SERPINI2: variants seen among roughly 807,000 people sequenced by gnomAD.
SERPINI2 encodes serpin I2.
SERPINI2 carries 48 observed loss-of-function variants against 47.3 expected under a neutral mutation model. That is an observed-to-expected ratio of 1.02 (90% CI 0.81 to 1.29). SERPINI2 has a LOEUF of 1.29. Among genes scored for constraint, SERPINI2 ranks in the 50% most tolerant of loss-of-function variants. The probability of loss-of-function intolerance (pLI) is 0.00; values close to 1 mark genes in which losing one functional copy is unlikely to be tolerated. For synonymous variants in SERPINI2, 135 were observed against 149.3 expected (o/e 0.90, Z 0.70); for missense variants, 448 against 456.9 (o/e 0.98, Z 0.18).
intron 7 of SERPINI2, among the ~76,000 whole-genome samples, chr3:167,447,925 C>A (rs1183922651): frequency 6.6e-6 from 1 of 152,196 alleles, no homozygotes; most frequent in African/African-American, 2.4e-5. Context: ...TGTCAAAATC[C>A]ATTGGCCCAA....
At chr3:167,459,540 A>G (rs1336119477) in intron 5 of SERPINI2, among the ~76,000 whole-genome samples, 1 of 152,120 alleles carries the variant, frequency 6.6e-6, no homozygotes, top group Non-Finnish European at 1.5e-5. Flanking sequence ...TTTTGAGATG[A>G]TATCTTATTG....
At chr3:167,443,236 T>G (rs1191817266) in intron 8 of SERPINI2, among the ~76,000 whole-genome samples, 2 of 152,072 alleles carry the variant, frequency 1.3e-5, no homozygotes, top group African/African-American at 4.8e-5. Flanking sequence ...GCCTCCCGAG[T>G]AGCTGGGACT....
At position 167,456,150 on chromosome 3, in the gene SERPINI2, C is replaced by CTGTGTGTGTGTGTG. The variant is rs68048909; in HGVS notation, c.867-3131_867-3118dup. Among the ~76,000 whole-genome samples the CTGTGTGTGTGTGTG allele has an allele frequency of 8.2e-4, 119 of 144,516 alleles. 1 individual carries two copies. Among genetic ancestry groups the CTGTGTGTGTGTGTG allele is most frequent in the East Asian group, 2.3e-3 (11 of 4,850 alleles). 94.8% of individuals were successfully genotyped at this position (144,516 alleles called of 152,430 possible). On this transcript the variant is annotated intron_variant, in intron 5 of 8. Coordinates refer to ENST00000264677, the Ensembl canonical transcript of SERPINI2. ...CTGGTCACTTTCCAATCAATTACCTCTGTGTGTGTGTGTGTGTGTGTGTGT... is the reference window on the plus strand; with the variant it reads ...CTGGTCACTTTCCAATCAATTACCTCTGTGTGTGTGTGTGTGTGTGTGTGTGTGTGTGTGTGTGT...
intron 2 of SERPINI2, 115 bp downstream of exon 2, chr3:167,471,473 G>T (rs1337092102): frequency 2.0e-6 from 2 of 981,206 alleles, no homozygotes; most frequent in Non-Finnish European, 2.9e-6. Context: ...TTACAATTTT[G>T]TACTTTTCAT....
upstream of SERPINI2, among the ~76,000 whole-genome samples, chr3:167,475,862 T>C (rs1750469259): frequency 6.6e-6 from 1 of 151,792 alleles, no homozygotes; most frequent in South Asian, 2.1e-4. Context: ...TATCATCTCA[T>C]CAATTTTCTT....
upstream of SERPINI2, among the ~76,000 whole-genome samples, chr3:167,475,404 C>T (rs1485267600): frequency 6.6e-6 from 1 of 151,758 alleles, no homozygotes; most frequent in Non-Finnish European, 1.5e-5. Context: ...TGTCTGTACA[C>T]TGCTCAGATC....
At chr3:167,448,985 A>G (rs182174383) in intron 7 of SERPINI2, among the ~76,000 whole-genome samples, 15 of 152,336 alleles carry the variant, frequency 9.8e-5, no homozygotes, top group Admixed American at 9.1e-4. Context: ...AAGGGTGAGC[A>G]TTCCTAAAAA....
chr3:167,445,866 C>T (rs189934810), intron 8 of SERPINI2, among the ~76,000 whole-genome samples: 1 of 152,324 alleles, frequency 6.6e-6, no homozygotes, highest in Non-Finnish European at 1.5e-5. Context: ...CTAACTGCAT[C>T]ATCTTTCACC....
At chr3:167,468,709 C>A (rs538898980) in intron 2 of SERPINI2, among the ~76,000 whole-genome samples, 14 of 152,044 alleles carry the variant, frequency 9.2e-5, no homozygotes, top group Non-Finnish European at 1.9e-4. Flanking sequence ...GAAAGTTAAG[C>A]CATTTTACTT....
chr3:167,453,111 T>C, intron 5 of SERPINI2, 78 bp from the exon 6 acceptor site: 2 of 699,502 alleles, frequency 2.9e-6, no homozygotes, highest in Non-Finnish European at 4.9e-6. Context: ...ATGGATGACT[T>C]AGAGGATAAT....
intron 5 of SERPINI2, among the ~76,000 whole-genome samples, chr3:167,457,589 A>C (rs1749835397): frequency 6.6e-6 from 1 of 152,188 alleles, no homozygotes; most frequent in South Asian, 2.1e-4. Context: ...TTCCCTCTTT[A>C]ACAAATCCAG....
At chr3:167,452,531 T>C (rs1749670755) in intron 6 of SERPINI2, among the ~76,000 whole-genome samples, 1 of 152,214 alleles carries the variant, frequency 6.6e-6, no homozygotes, top group African/African-American at 2.4e-5. Flanking sequence ...GATGACTATT[T>C]CATGTGTTCT....
At chr3:167,467,826 A>T (rs1287457404) in intron 2 of SERPINI2, among the ~76,000 whole-genome samples, 1 of 152,200 alleles carries the variant, frequency 6.6e-6, no homozygotes, top group Admixed American at 6.5e-5. Flanking sequence ...GATGCGTAAG[A>T]ATCAGAATTG....
At chr3:167,457,969 A>T (rs577299419) in intron 5 of SERPINI2, among the ~76,000 whole-genome samples, 5 of 152,338 alleles carry the variant, frequency 3.3e-5, no homozygotes, top group African/African-American at 9.6e-5. Flanking sequence ...CAGACAAGTT[A>T]TCCAGGGTGA....
Position 167,465,604 on chromosome 3 carries a change from A to G in SERPINI2, c.548T>C (p.Ile183Thr), listed in dbSNP as rs774779828. 1.2e-6 allele frequency: 2 copies of G among 1,613,750 alleles called. No individual in the cohort carries two copies. The highest frequency in any genetic ancestry group is 1.7e-6 in the Non-Finnish European group (2 of 1,179,916). ...CTGTTTCCAATCTCCTTTGAAATAAATAGCATTCACCAGGACAAGCCGAGT... is the reference window on the plus strand; with the variant it reads ...CTGTTTCCAATCTCCTTTGAAATAAGTAGCATTCACCAGGACAAGCCGAGT... The change falls in exon 4 of 9, where the codon ATT (isoleucine) becomes ACT (threonine). Residue 183 changes from isoleucine to threonine, a missense_variant. Coordinates refer to ENST00000264677, the Ensembl canonical transcript of SERPINI2.
intron 3 of SERPINI2, among the ~76,000 whole-genome samples, chr3:167,465,999 A>C (rs1750124577): frequency 6.6e-6 from 1 of 152,188 alleles, no homozygotes; most frequent in African/African-American, 2.4e-5. Context: ...TTCCATATTT[A>C]CTGGTATTAT....
intron 5 of SERPINI2, among the ~76,000 whole-genome samples, chr3:167,464,858 C>A (rs1293885189): frequency 1.3e-5 from 2 of 151,760 alleles, no homozygotes; most frequent in Admixed American, 6.6e-5. Context: ...TTATTTTTTT[C>A]TTAATAAGAG....
At chr3:167,467,350 T>G in intron 2 of SERPINI2, 65 bp from the exon 3 acceptor site, 1 of 1,182,874 alleles carries the variant, frequency 8.5e-7, no homozygotes, top group Non-Finnish European at 1.2e-6. Context: ...TTTTCAGCTT[T>G]GCTATCTAAG....
At chr3:167,446,430 T>A in exon 8 of SERPINI2, 1 of 1,610,612 alleles carries the variant, frequency 6.2e-7, no homozygotes, top group Non-Finnish European at 8.5e-7. Context: ...AAATGGATGA[T>A]TTGCTATAAA....
Sources: gnomAD v4.1 joint callset for allele counts (sites outside exome capture counted in the v4.1 genomes callset) on GRCh38, gnomAD v4.1.1 for gene constraint, MANE v1.5 for transcripts, NCBI Gene and HGNC (gene_info 2026-07-23, HGNC 2026-07-21) for gene names.